WDR26: variants seen among roughly 807,000 people sequenced by gnomAD.
WDR26 encodes the protein WD repeat-containing protein 26.
A neutral mutation model predicts 84.1 loss-of-function variants in WDR26; 5 were observed. The observed-to-expected ratio is 0.06, with a 90% CI of 0.03 to 0.13. The LOEUF is 0.13. WDR26 is among the 10% of genes least tolerant of loss of function. WDR26 has a pLI of 1.00. For missense variants in WDR26, 642 were observed against 974.9 expected (o/e 0.66, Z 4.55); for synonymous variants, 415 against 389.6 (o/e 1.07, Z -0.77).
intron 7 of WDR26, among the ~76,000 whole-genome samples, chr1:224,405,978 C>T (rs1372691580): frequency 2.6e-5 from 4 of 152,168 alleles, no homozygotes; most frequent in African/African-American, 9.7e-5. Flanking sequence ...GACAATGGAA[C>T]CATAATGAGC....
Position 224,419,512 on chromosome 1 carries a change from T to A in WDR26, c.1162+6A>T, listed in dbSNP as rs370469962. The A allele has an allele frequency of 8.7e-6, 14 of 1,610,292 alleles. No individual in the cohort carries two copies. The highest frequency in any genetic ancestry group is 5.0e-5 in the Admixed American group (3 of 59,982). On this transcript the variant is annotated splice_donor_region_variant and intron_variant, in intron 5 of 13. Coordinates refer to ENST00000414423, the MANE Select transcript of WDR26 (RefSeq NM_001379403.1). ...ACACAGCAACATAAAAAATTAAGAC[T>A]CTTACTCTGAAGTTTATCCAATAGT...
At position 224,419,748 on chromosome 1, in the gene WDR26, TCATTAA is replaced by T. The variant is rs1674003786; in HGVS notation, c.1065-139_1065-134del. On this transcript the variant is annotated intron_variant, in intron 4 of 13. Coordinates refer to ENST00000414423, the MANE Select transcript of WDR26 (RefSeq NM_001379403.1). ...AAGAAATTTCTACAGTGGACTCAAT[TCATTAA>T]TATAATATGGCACCTGCATATAATT... The T allele has an allele frequency of 3.9e-5, 25 of 647,390 alleles. No homozygotes were observed. In the South Asian group the frequency reaches 4.2e-4, roughly 11 times the overall value. The allele number at this position is 647,390 out of a possible 1,614,324, so 40.1% of individuals were successfully genotyped here.
chr1:224,411,253 G>A (rs577685587), intron 7 of WDR26, among the ~76,000 whole-genome samples, 174 bp downstream of exon 7: 2 of 151,986 alleles, frequency 1.3e-5, no homozygotes, highest in Non-Finnish European at 2.9e-5. Flanking sequence ...CAACAATGTT[G>A]ATAATATTAA....
In WDR26 at chr1:224,431,530, T is replaced by C. The variant is rs745516556; in HGVS notation, c.874A>G (p.Ile292Val). 5 of 1,613,984 alleles carry C rather than the reference T, an allele frequency of 3.1e-6. No homozygotes were observed. Among genetic ancestry groups the C allele is most frequent in the East Asian group, 2.2e-5 (1 of 44,882 alleles). Reference sequence around the variant, plus strand: ...ATTTCAAGTGCGCCTCTTACCACAATAGCATGAGGAGAATGCACTAAAGGC... The same window carrying C: ...ATTTCAAGTGCGCCTCTTACCACAACAGCATGAGGAGAATGCACTAAAGGC... The change falls in exon 3 of 14, where the codon ATT (isoleucine) becomes GTT (valine). Residue 292 changes from isoleucine (I) to valine (V), a missense_variant. By Grantham distance (29) the Ile-to-Val change is conservative. Transcript: ENST00000414423.
chr1:224,400,830 G>A lies in WDR26; in HGVS notation c.1719+120C>T, dbSNP rs1673391879. 5.8e-6 allele frequency: 8 copies of A among 1,377,706 alleles called. No individual in the cohort carries two copies. The East Asian group carries it at 1.8e-4, about 32-fold the overall frequency. The allele number at this position is 1,377,706 out of a possible 1,614,324, so 85.3% of individuals were successfully genotyped here. A position where few individuals can be genotyped will look rare whatever the true frequency, so the allele number is the denominator to read the frequency against. On this transcript the variant is annotated intron_variant, in intron 9 of 13. Coordinates refer to ENST00000414423, the MANE Select transcript of WDR26 (RefSeq NM_001379403.1). ...CAAAGTGCTGGGATTACAGGTGTGA[G>A]CCACCATGCCTGGCCCACAGAGTAT...
At position 224,404,496 on chromosome 1, in the gene WDR26, T is replaced by C; in HGVS notation, c.1533A>G (p.Pro511=). 6.2e-7 allele frequency: 1 copy of C among 1,614,168 alleles called. No individual in the cohort carries two copies. ...CACAAGCAACAAGATAGTTGTCATC[T>C]GGACTCCATGCAATATAAGAAACGC... The change falls in exon 8 of 14, where the codon CCA becomes CCG. Residue 511 remains proline, a synonymous_variant. Transcript: ENST00000414423.
chr1:224,390,128 C>A (rs993020793), intron 13 of WDR26, among the ~76,000 whole-genome samples: 2 of 152,018 alleles, frequency 1.3e-5, no homozygotes, highest in African/African-American at 4.8e-5. Flanking sequence ...GTTAGAATCT[C>A]ATGCTTTTAT....
chr1:224,427,777 C>T (rs889670714), intron 3 of WDR26, among the ~76,000 whole-genome samples: 2 of 152,066 alleles, frequency 1.3e-5, no homozygotes, highest in Admixed American at 6.6e-5. Flanking sequence ...TGTATTTTAC[C>T]TCCCAAAATT....
intron 13 of WDR26, 106 bp from the exon 14 acceptor site, chr1:224,389,966 A>T (rs951106627): frequency 1.3e-6 from 1 of 779,918 alleles, no homozygotes; most frequent in African/African-American, 1.8e-5. Flanking sequence ...GCATTATGAC[A>T]TTACAAAATT....
Position 224,418,878 on chromosome 1 carries a change from A to C in WDR26, c.1163-462T>G, listed in dbSNP as rs956450056. On this transcript the variant is annotated intron_variant, in intron 5 of 13. Coordinates refer to ENST00000414423, the MANE Select transcript of WDR26 (RefSeq NM_001379403.1). ...CTTGGCCTTTTGGCTAAGATCAAGT[A>C]CAAATTGCTCCAAATGCCAAAGATA... is the stretch of plus-strand genomic sequence containing the variant. Among the ~76,000 whole-genome samples the C allele has an allele frequency of 3.0e-4, 45 of 152,316 alleles. 1 individual carries two copies. The highest frequency in any genetic ancestry group is 2.8e-3 in the Admixed American group (43 of 15,290).
intron 13 of WDR26, among the ~76,000 whole-genome samples, chr1:224,392,054 T>C (rs1673140129): frequency 1.3e-5 from 2 of 152,140 alleles, no homozygotes; most frequent in South Asian, 4.1e-4. Flanking sequence ...TCCATTGCTA[T>C]GGAGGCATAA....
At chr1:224,422,346 G>T (rs976063548) in intron 4 of WDR26, among the ~76,000 whole-genome samples, 1 of 152,252 alleles carries the variant, frequency 6.6e-6, no homozygotes, top group Admixed American at 6.5e-5. Context: ...TGGAGAGCCA[G>T]TGGCAAGGGA....
At chr1:224,423,246 A>C (rs1442123769) in intron 4 of WDR26, among the ~76,000 whole-genome samples, 1 of 152,082 alleles carries the variant, frequency 6.6e-6, no homozygotes, top group Non-Finnish European at 1.5e-5. Context: ...TTCTTGCCTA[A>C]TTTCCTTGGC....
At chr1:224,428,351 A>C (rs1201326217) in intron 3 of WDR26, among the ~76,000 whole-genome samples, 1 of 152,204 alleles carries the variant, frequency 6.6e-6, no homozygotes, top group Non-Finnish European at 1.5e-5. Flanking sequence ...GTCATAACCA[A>C]ATCTTATCAA....
intron 3 of WDR26, chr1:224,430,799 T>C (rs1674369106): frequency 6.6e-6 from 1 of 152,320 alleles, no homozygotes; most frequent in Non-Finnish European, 1.5e-5. Context: ...CTCACCACCA[T>C]CTACTGAAGA....
Position 224,434,709 on chromosome 1 carries a change from C to T in WDR26, c.-304G>A. 1 of 952,092 alleles carries T rather than the reference C, an allele frequency of 1.1e-6. No individual in the cohort carries two copies. The allele number at this position is 952,092 out of a possible 1,614,324, so 59.0% of individuals were successfully genotyped here. ...TGGCTGCGGCGGCGGCGGCGGCGGG[C>T]GGCAGCGGAGGCAGCTGCCGCCTCT... On this transcript the variant is annotated 5_prime_UTR_variant, in exon 1 of 14. Transcript: ENST00000414423.
At chr1:224,391,885 T>C (rs1673135640) in intron 13 of WDR26, among the ~76,000 whole-genome samples, 1 of 152,162 alleles carries the variant, frequency 6.6e-6, no homozygotes, top group African/African-American at 2.4e-5. Context: ...CTATTTCAGG[T>C]GAAAATGAAA....
intron 7 of WDR26, among the ~76,000 whole-genome samples, chr1:224,409,828 A>G (rs1323983337): frequency 6.6e-6 from 1 of 151,688 alleles, no homozygotes; most frequent in Non-Finnish European, 1.5e-5. Context: ...GCCCCACTGC[A>G]CTACACCCTG....
At chr1:224,401,671 C>CAAAAAAA (rs767368281) in intron 8 of WDR26, among the ~76,000 whole-genome samples, 214 of 49,596 alleles carry the variant, frequency 4.3e-3, no homozygotes, top group African/African-American at 8.2e-3. Flanking sequence ...GAGACTGTCT[C>CAAAAAAA]AAAAAAAAAA....
Sources: gnomAD v4.1 joint callset for allele counts (sites outside exome capture counted in the v4.1 genomes callset) on GRCh38, gnomAD v4.1.1 for gene constraint, MANE v1.5 for transcripts, NCBI Gene and HGNC (gene_info 2026-07-23, HGNC 2026-07-21) for gene names.